The following TRAM1 variants were observed in gnomAD, a reference collection of about 807,000 sequenced individuals.
The protein encoded by TRAM1 is translocation associated membrane protein 1.
Under a neutral mutation model 48.7 loss-of-function variants are expected in TRAM1, and 17 were observed. The ratio of observed to expected loss-of-function variants is 0.35; its 90% confidence interval spans 0.24 to 0.52. The LOEUF (loss-of-function observed/expected upper bound fraction) is 0.52, where lower values mean the gene tolerates loss of function less well. TRAM1 is among the 20% of genes least tolerant of loss of function. TRAM1 has a pLI of 0.94. For missense variants in TRAM1, 351 were observed against 441.5 expected (o/e 0.79, Z 1.84); for synonymous variants, 182 against 154.0 (o/e 1.18, Z -1.34).
At chr8:70,578,912 T>C (rs933824493) in intron 10 of TRAM1, among the ~76,000 whole-genome samples, 6 of 152,230 alleles carry the variant, frequency 3.9e-5, no homozygotes, top group Admixed American at 2.0e-4. Context: ...GCAGTGTTGC[T>C]TTCCACGGTT....
rs138827884 is a variant in TRAM1, at chr8:70,602,245, G to A, written c.124-2163C>T. Among the ~76,000 whole-genome samples, 197 of 152,350 alleles carry A rather than the reference G, an allele frequency of 1.3e-3. 1 individual carries two copies. The highest frequency in any genetic ancestry group is 4.5e-3 in the African/African-American group (186 of 41,584). On this transcript the variant is annotated intron_variant, in intron 1 of 10. Transcript: ENST00000262213. ...TTGAGTGATTCCAACTAAGTAGTGA[G>A]AGCAGGAGCTGCATTGCAGTGGACT...
chr8:70,595,462 C>T (rs7015434), intron 5 of TRAM1, among the ~76,000 whole-genome samples: 17,343 of 152,038 alleles, frequency 0.11, 1,157 homozygotes, highest in African/African-American at 0.18. Context: ...TTCTTTCCTT[C>T]GTATCTTCTC....
At chr8:70,606,330 A>G (rs1024047243) in intron 1 of TRAM1, among the ~76,000 whole-genome samples, 1 of 152,100 alleles carries the variant, frequency 6.6e-6, no homozygotes, top group Non-Finnish European at 1.5e-5. Flanking sequence ...CTGAGACCAC[A>G]GGTGCGTGCT....
intron 10 of TRAM1, among the ~76,000 whole-genome samples, chr8:70,577,732 G>A (rs1229442357): frequency 1.3e-5 from 2 of 152,248 alleles, no homozygotes; most frequent in Non-Finnish European, 2.9e-5. Flanking sequence ...GAAGAGCTGT[G>A]CTCCTCTGGG....
intron 5 of TRAM1, among the ~76,000 whole-genome samples, chr8:70,595,715 G>C (rs1339546080): frequency 6.6e-6 from 1 of 152,064 alleles, no homozygotes; most frequent in African/African-American, 2.4e-5. Flanking sequence ...GGATACAAAA[G>C]ACCAATACAG....
rs1356064016 is a variant in TRAM1, at chr8:70,573,464, T to TTTGA, written c.*1464_*1467dup. The TTTGA allele has an allele frequency of 2.0e-5, 3 of 152,646 alleles. No individual in the cohort carries two copies. The highest frequency in any genetic ancestry group is 7.2e-5 in the African/African-American group (3 of 41,456). The allele number at this position is 152,646 out of a possible 1,614,324, so 9.5% of individuals were successfully genotyped here. A position where few individuals can be genotyped will look rare whatever the true frequency, so the allele number is the denominator to read the frequency against. On this transcript the variant is annotated 3_prime_UTR_variant, in exon 11 of 11. Coordinates refer to ENST00000262213, the MANE Select transcript of TRAM1 (RefSeq NM_014294.6). The stretch of plus-strand genomic sequence containing the variant: ...AACTTGTGAAAGTAAAAATTTTTAT[T>TTTGA]TTGATTGATTTCTCAATGTATAGTT...
intron 6 of TRAM1, among the ~76,000 whole-genome samples, chr8:70,594,181 G>C (rs761960689): frequency 7.3e-5 from 11 of 151,324 alleles, no homozygotes; most frequent in Admixed American, 1.3e-4. Context: ...ATATCAGTAA[G>C]ATAAAACAAA....
Position 70,574,485 on chromosome 8 carries a change from ATAT to A in TRAM1, c.*444_*446del, listed in dbSNP as rs1816899797. On this transcript the variant is annotated 3_prime_UTR_variant, in exon 11 of 11. Transcript: ENST00000262213. ...CAAAAAATTAGAGAACACTGAAAACATATTAAAGTTTGACATCCAACTTTATAG... is the reference window on the plus strand; with the variant it reads ...CAAAAAATTAGAGAACACTGAAAACATAAAGTTTGACATCCAACTTTATAG... 1 of 210,052 alleles carries A rather than the reference ATAT, an allele frequency of 4.8e-6. No homozygotes were observed. The highest frequency in any genetic ancestry group is 1.7e-4 in the East Asian group (1 of 5,950). 13.0% of individuals were successfully genotyped at this position (210,052 alleles called of 1,614,324 possible). A position where few individuals can be genotyped will look rare whatever the true frequency, so the allele number is the denominator to read the frequency against.
At position 70,608,135 on chromosome 8, in the gene TRAM1, T is replaced by C; in HGVS notation, c.65A>G (p.Asn22Ser). ...CACACAGGAGACGATGTCCGCGTGA[T>C]TCTGCAGGACGAATTCGTGGCTCAG... Reference protein sequence around the residue: ...PVLSHEFVLQNHADIVSCVAM... With the variant: ...PVLSHEFVLQSHADIVSCVAM... The change falls in exon 1 of 11, where the codon AAT (asparagine) becomes AGT (serine). Residue 22 changes from asparagine (N) to serine (S), a missense_variant. Coordinates refer to ENST00000262213, the MANE Select transcript of TRAM1 (RefSeq NM_014294.6). 1 of 1,599,746 alleles carries C rather than the reference T, an allele frequency of 6.3e-7. No individual in the cohort carries two copies. The highest frequency in any genetic ancestry group is 8.5e-7 in the Non-Finnish European group (1 of 1,174,016).
chr8:70,575,216 A>G (rs2132020015), intron 10 of TRAM1, among the ~76,000 whole-genome samples: 1 of 152,370 alleles, frequency 6.6e-6, no homozygotes, highest in African/African-American at 2.4e-5. Flanking sequence ...TACTATTAAA[A>G]GCAGAAAAAA....
At chr8:70,575,301 A>C (rs1357243920) in intron 10 of TRAM1, among the ~76,000 whole-genome samples, 1 of 152,132 alleles carries the variant, frequency 6.6e-6, no homozygotes. Flanking sequence ...TGTAGAAATA[A>C]AGAAACTTTT....
chr8:70,575,537 C>T (rs56859826), intron 10 of TRAM1, among the ~76,000 whole-genome samples: 2 of 152,064 alleles, frequency 1.3e-5, no homozygotes, highest in African/African-American at 4.8e-5. Context: ...TCCCGGGGAC[C>T]TCAGCCTCCC....
intron 2 of TRAM1, among the ~76,000 whole-genome samples, chr8:70,599,717 A>T (rs1330661760): frequency 6.6e-6 from 1 of 152,276 alleles, no homozygotes. Context: ...ACAATTTTAA[A>T]AAGATCTTTT....
intron 6 of TRAM1, chr8:70,587,570 T>C (rs947699721): frequency 3.6e-5 from 6 of 165,212 alleles, no homozygotes; most frequent in Non-Finnish European, 7.9e-5. Context: ...CTAAGATCTA[T>C]GGCTCTTTTT....
intron 1 of TRAM1, among the ~76,000 whole-genome samples, chr8:70,602,133 G>A (rs1317928728): frequency 6.6e-6 from 1 of 152,204 alleles, no homozygotes; most frequent in East Asian, 1.9e-4. Context: ...AAAAGGTGTG[G>A]TTAATAAAGT....
At chr8:70,595,407 G>A (rs1005791679) in intron 5 of TRAM1, among the ~76,000 whole-genome samples, 8 of 151,894 alleles carry the variant, frequency 5.3e-5, no homozygotes, top group Non-Finnish European at 1.0e-4. Flanking sequence ...TCAGTAGAGT[G>A]GGTATTACTG....
At position 70,598,230 on chromosome 8, in the gene TRAM1, G is replaced by A; in HGVS notation, c.213C>T (p.Ser71=). 1.2e-6 allele frequency: 2 copies of A among 1,609,968 alleles called. No individual in the cohort carries two copies. The highest frequency in any genetic ancestry group is 1.7e-6 in the Non-Finnish European group (2 of 1,178,146). ...AATCTTTGATGCCATAGTAATAAAG[G>A]GACACTGATTCAGTAGCTTGTTCTT... The part of the protein sequence containing the change: ...ATEEQATESV[S]LYYYGIKDLA... The change falls in exon 3 of 11, where the codon TCC becomes TCT. Residue 71 remains serine, a synonymous_variant. Coordinates refer to ENST00000262213, the MANE Select transcript of TRAM1 (RefSeq NM_014294.6).
At chr8:70,597,530 C>T (rs1403304445) in intron 4 of TRAM1, among the ~76,000 whole-genome samples, 2 of 151,548 alleles carry the variant, frequency 1.3e-5, no homozygotes, top group South Asian at 2.1e-4. Context: ...ATTAGCTGGG[C>T]GTGGTGGCGT....
intron 6 of TRAM1, among the ~76,000 whole-genome samples, chr8:70,593,510 CT>C (rs1438901185): frequency 6.6e-6 from 1 of 150,660 alleles, no homozygotes; most frequent in African/African-American, 2.4e-5. Flanking sequence ...AACGATCAAA[CT>C]TGTTTCATCT....
Sources: allele counts gnomAD v4.1 joint callset (sites outside exome capture counted in the v4.1 genomes callset), GRCh38; gene constraint gnomAD v4.1.1; transcripts MANE v1.5; gene names NCBI Gene and HGNC (gene_info 2026-07-23, HGNC 2026-07-21).